The following B3GALT1 variants were observed in gnomAD, a reference collection of about 807,000 sequenced individuals.
B3GALT1 encodes the protein UDP-Gal:betaGlcNAc beta 1,3-galactosyltransferase, polypeptide 1.
A neutral mutation model predicts 23.2 loss-of-function variants in B3GALT1; 10 were observed. The observed-to-expected ratio is 0.43, with a 90% CI of 0.27 to 0.73. B3GALT1 has a LOEUF of 0.73. Among genes scored for constraint, B3GALT1 ranks in the 30% least tolerant of loss-of-function variants. The pLI is 0.21. For missense variants in B3GALT1, 299 were observed against 405.4 expected (o/e 0.74, Z 2.25); for synonymous variants, 156 against 141.5 (o/e 1.10, Z -0.73).
In B3GALT1 at chr2:167,566,141, T is replaced by C. The variant is rs560715767; in HGVS notation, c.-410+75864T>C. Among the ~76,000 whole-genome samples the C allele has an allele frequency of 2.6e-3, 396 of 152,186 alleles. 4 individuals are homozygous for C. The highest frequency in any genetic ancestry group is 0.02 in the Middle Eastern group (6 of 294). On this transcript the variant is annotated intron_variant, in intron 2 of 4. Coordinates refer to ENST00000392690, the MANE Select transcript of B3GALT1 (RefSeq NM_020981.4). ...GATAGACTGGATTAAGAAAATGTGG[T>C]ACATATACACCATGGAATACTATGC...
At chr2:167,495,617 G>T (rs1699773433) in intron 2 of B3GALT1, among the ~76,000 whole-genome samples, 2 of 152,120 alleles carry the variant, frequency 1.3e-5, no homozygotes, top group Non-Finnish European at 2.9e-5. Flanking sequence ...ACAGGCGTGA[G>T]CCACCGTGCC....
intron 1 of B3GALT1, among the ~76,000 whole-genome samples, chr2:167,357,826 A>G (rs1218722220): frequency 1.3e-5 from 2 of 152,212 alleles, no homozygotes; most frequent in African/African-American, 2.4e-5. Context: ...AACATTGCAC[A>G]TTCATCTTTT....
intron 2 of B3GALT1, among the ~76,000 whole-genome samples, chr2:167,612,694 G>A (rs1317107316): frequency 1.3e-5 from 2 of 151,646 alleles, no homozygotes; most frequent in African/African-American, 4.8e-5. Flanking sequence ...CTTTACAATG[G>A]AATTTTAAAA....
chr2:167,828,777 G>A (rs1689282906), intron 4 of B3GALT1, among the ~76,000 whole-genome samples: 1 of 152,210 alleles, frequency 6.6e-6, no homozygotes, highest in Non-Finnish European at 1.5e-5. Flanking sequence ...GGTTTGTTCT[G>A]TAGGATCTTC....
chr2:167,566,201 G>A lies in B3GALT1; in HGVS notation c.-410+75924G>A, dbSNP rs1374968681. On this transcript the variant is annotated intron_variant, in intron 2 of 4. Transcript: ENST00000392690. ...AAATGATGAGTTCATGTCCTTTGTA[G>A]GAACATGGATGAAATTGAAAATCAT... Among the ~76,000 whole-genome samples the A allele has an allele frequency of 2.0e-5, 3 of 152,222 alleles. 1 individual carries two copies. Among genetic ancestry groups the A allele is most frequent in the African/African-American group, 7.2e-5 (3 of 41,526 alleles).
chr2:167,509,715 A>G (rs1574109763), intron 2 of B3GALT1, among the ~76,000 whole-genome samples: 1 of 152,124 alleles, frequency 6.6e-6, no homozygotes, highest in African/African-American at 2.4e-5. Context: ...GTGTGGCTGG[A>G]GCAGTGTGAG....
chr2:167,814,369 T>C (rs1209449889), intron 3 of B3GALT1, among the ~76,000 whole-genome samples: 2 of 152,208 alleles, frequency 1.3e-5, no homozygotes. Context: ...AGATTAATAC[T>C]TGGTAGAACA....
At chr2:167,317,881 C>T (rs566244822) in intron 1 of B3GALT1, among the ~76,000 whole-genome samples, 31 of 152,186 alleles carry the variant, frequency 2.0e-4, no homozygotes, top group Admixed American at 1.8e-3. Flanking sequence ...TAAATTCCAA[C>T]ATGAGGGCCT....
rs186114483 is a variant in B3GALT1, at chr2:167,727,010, C to T, written c.-352+80044C>T. Reference sequence around the variant, plus strand: ...GGTGTAAAGCTATGTCATGAAAAACCTTTGACCCCTTTCTTTGTCCCAGGT... The same window carrying T: ...GGTGTAAAGCTATGTCATGAAAAACTTTTGACCCCTTTCTTTGTCCCAGGT... On this transcript the variant is annotated intron_variant, in intron 3 of 4. Transcript: ENST00000392690. Among the ~76,000 whole-genome samples the T allele has an allele frequency of 2.8e-3, 433 of 152,288 alleles. 5 individuals carry two copies. The highest frequency in any genetic ancestry group is 9.9e-3 in the African/African-American group (412 of 41,562).
intron 2 of B3GALT1, among the ~76,000 whole-genome samples, chr2:167,585,578 A>G (rs143626285): frequency 8.5e-5 from 13 of 152,344 alleles, no homozygotes; most frequent in African/African-American, 3.1e-4. Flanking sequence ...ATTGAGAACT[A>G]GTGGGAACGT....
chr2:167,793,945 A>G (rs1410307607), intron 3 of B3GALT1, among the ~76,000 whole-genome samples: 2 of 152,082 alleles, frequency 1.3e-5, no homozygotes, highest in Admixed American at 6.6e-5. Flanking sequence ...ACACTTTGCC[A>G]CTCAGCTGAT....
intron 2 of B3GALT1, among the ~76,000 whole-genome samples, chr2:167,530,875 T>C (rs1327379528): frequency 2.6e-5 from 4 of 152,154 alleles, no homozygotes; most frequent in Non-Finnish European, 5.9e-5. Context: ...AAATAGAAAA[T>C]TACTTCTGCA....
intron 3 of B3GALT1, among the ~76,000 whole-genome samples, chr2:167,690,957 A>C (rs891497029): frequency 6.6e-6 from 1 of 152,146 alleles, no homozygotes; most frequent in African/African-American, 2.4e-5. Context: ...TGCAACATGG[A>C]AATGAGTCTT....
At chr2:167,596,749 G>C (rs951248466) in intron 2 of B3GALT1, among the ~76,000 whole-genome samples, 5 of 152,124 alleles carry the variant, frequency 3.3e-5, no homozygotes, top group African/African-American at 1.2e-4. Flanking sequence ...CACAGCAGTT[G>C]AATAATTTTA....
At chr2:167,599,661 G>A (rs1044344887) in intron 2 of B3GALT1, among the ~76,000 whole-genome samples, 1 of 152,194 alleles carries the variant, frequency 6.6e-6, no homozygotes, top group African/African-American at 2.4e-5. Flanking sequence ...TTGTCAGTTT[G>A]TGGTAGAACA....
At chr2:167,665,445 C>T (rs915931299) in intron 3 of B3GALT1, among the ~76,000 whole-genome samples, 4 of 150,238 alleles carry the variant, frequency 2.7e-5, no homozygotes, top group Non-Finnish European at 5.9e-5. Context: ...GTGTCTCTGG[C>T]CGGCTTTGGT....
chr2:167,390,191 C>G (rs184500267), intron 1 of B3GALT1, among the ~76,000 whole-genome samples: 373 of 152,234 alleles, frequency 2.5e-3, no homozygotes, highest in African/African-American at 8.4e-3. Context: ...GAGCCATGTG[C>G]AAGTGGGGTT....
intron 2 of B3GALT1, among the ~76,000 whole-genome samples, chr2:167,532,854 C>CTTTTT (rs1173819982): frequency 1.0e-4 from 10 of 96,456 alleles, no homozygotes; most frequent in African/African-American, 2.1e-4. Context: ...TTTACTGCAT[C>CTTTTT]TTTTTTTTTT....
intron 4 of B3GALT1, among the ~76,000 whole-genome samples, chr2:167,868,330 TAG>T (rs1254850629): frequency 1.3e-5 from 2 of 152,026 alleles, no homozygotes; most frequent in Non-Finnish European, 1.5e-5. Context: ...CATATTCAAA[TAG>T]AGAGTTAGAG....
Sources: allele counts gnomAD v4.1 joint callset (sites outside exome capture counted in the v4.1 genomes callset), GRCh38; gene constraint gnomAD v4.1.1; transcripts MANE v1.5; gene names NCBI Gene and HGNC (gene_info 2026-07-23, HGNC 2026-07-21).